The following LIN7A variants were observed in gnomAD, a reference collection of about 807,000 sequenced individuals.
LIN7A encodes lin-7 cell polarity scaffold A, also known as protein lin-7 homolog A.
A neutral mutation model predicts 29.8 loss-of-function variants in LIN7A; 25 were observed. The ratio of observed to expected loss-of-function variants is 0.84; its 90% confidence interval spans 0.61 to 1.17. LIN7A has a LOEUF of 1.17. LIN7A is among the 50% of genes most tolerant of loss of function. The pLI is 0.00. For missense variants in LIN7A, 239 were observed against 287.0 expected (o/e 0.83, Z 1.21); for synonymous variants, 118 against 107.5 (o/e 1.10, Z -0.60).
intron 1 of LIN7A, among the ~76,000 whole-genome samples, chr12:80,891,652 T>C (rs1875631709): frequency 6.6e-6 from 1 of 152,102 alleles, no homozygotes; most frequent in Non-Finnish European, 1.5e-5. Context: ...TGCAATAAAG[T>C]GGGTGTGTTC....
chr12:80,802,773 C>T (rs988817318), intron 5 of LIN7A, among the ~76,000 whole-genome samples: 1 of 151,688 alleles, frequency 6.6e-6, no homozygotes, highest in Non-Finnish European at 1.5e-5. Context: ...CCTGTGTAGC[C>T]GGGACTACAG....
At chr12:80,827,059 C>T (rs1456298103) in intron 4 of LIN7A, among the ~76,000 whole-genome samples, 4 of 152,096 alleles carry the variant, frequency 2.6e-5, no homozygotes, top group Admixed American at 2.6e-4. Context: ...TTCCCTGAGC[C>T]TCTCAGTTCC....
intron 4 of LIN7A, among the ~76,000 whole-genome samples, chr12:80,832,225 C>T (rs957991664): frequency 2.0e-5 from 3 of 152,096 alleles, no homozygotes; most frequent in Non-Finnish European, 4.4e-5. Flanking sequence ...CTTGGTGTTT[C>T]TAGGATAATT....
At chr12:80,799,151 CA>C (rs1870598869) in intron 5 of LIN7A, among the ~76,000 whole-genome samples, 1 of 152,214 alleles carries the variant, frequency 6.6e-6, no homozygotes, top group East Asian at 1.9e-4. Context: ...GGGCAGGAGT[CA>C]GCCTGAGAGA....
At chr12:80,806,706 A>G (rs1233400350) in intron 5 of LIN7A, among the ~76,000 whole-genome samples, 1 of 152,238 alleles carries the variant, frequency 6.6e-6, no homozygotes, top group African/African-American at 2.4e-5. Flanking sequence ...CTTTTCTCAG[A>G]AGCAACTGTA....
chr12:80,872,729 T>G (rs1342556853), intron 2 of LIN7A, among the ~76,000 whole-genome samples: 1 of 152,232 alleles, frequency 6.6e-6, no homozygotes, highest in East Asian at 1.9e-4. Context: ...ATGTCTAGCA[T>G]TCTCAATTCT....
chr12:80,876,101 AC>A (rs1295903598), intron 2 of LIN7A, among the ~76,000 whole-genome samples: 3 of 152,058 alleles, frequency 2.0e-5, no homozygotes, highest in Admixed American at 6.6e-5. Context: ...AAAGAGAGAG[AC>A]AGACAGAGAG....
chr12:80,934,236 T>C (rs1443594709), intron 1 of LIN7A, among the ~76,000 whole-genome samples: 1 of 152,216 alleles, frequency 6.6e-6, no homozygotes, highest in African/African-American at 2.4e-5. Context: ...ATTATGTCTC[T>C]TTATCACACC....
At chr12:80,906,676 A>T (rs1876491299) in intron 1 of LIN7A, among the ~76,000 whole-genome samples, 1 of 152,034 alleles carries the variant, frequency 6.6e-6, no homozygotes, top group Admixed American at 6.5e-5. Flanking sequence ...CTGAGGGTGC[A>T]GGGTGGGAGG....
chr12:80,876,688 A>C (rs1874719478), intron 2 of LIN7A, among the ~76,000 whole-genome samples: 1 of 152,228 alleles, frequency 6.6e-6, no homozygotes, highest in African/African-American at 2.4e-5. Context: ...ACCCCATTGC[A>C]TTGTACATTC....
chr12:80,927,992 ATGATGGTTTCCAG>A (rs1358197329), intron 1 of LIN7A, among the ~76,000 whole-genome samples: 1 of 152,146 alleles, frequency 6.6e-6, no homozygotes, highest in Non-Finnish European at 1.5e-5. Flanking sequence ...TTTGCTGAGA[ATGATGGTTTCCAG>A]CTTCATCCAT....
At chr12:80,860,314 AGTATT>A (rs1242303343) in intron 2 of LIN7A, among the ~76,000 whole-genome samples, 2 of 152,236 alleles carry the variant, frequency 1.3e-5, no homozygotes, top group Non-Finnish European at 2.9e-5. Context: ...AATAAAGCTT[AGTATT>A]TCAGAAAAAT....
In LIN7A at chr12:80,899,765, C is replaced by CTTTTTTTTTTTTTTTTTTTTTTTTTTTT. The variant is rs760389788; in HGVS notation, c.83-10397_83-10396insAAAAAAAAAAAAAAAAAAAAAAAAAAAA. Among the ~76,000 whole-genome samples the CTTTTTTTTTTTTTTTTTTTTTTTTTTTT allele has an allele frequency of 1.5e-4, 16 of 109,992 alleles. 8 individuals are homozygous for CTTTTTTTTTTTTTTTTTTTTTTTTTTTT. The highest frequency in any genetic ancestry group is 2.3e-4 in the Non-Finnish European group (12 of 51,268). 72.2% of individuals were successfully genotyped at this position (109,992 alleles called of 152,430 possible). A position where few individuals can be genotyped will look rare whatever the true frequency, so the allele number is the denominator to read the frequency against. ...CATTTCCTCTAGGTTTTCTTTTTTT[C>CTTTTTTTTTTTTTTTTTTTTTTTTTTTT]TTTTCTTTTTTTTTTTTTTTTGAGA... On this transcript the variant is annotated intron_variant, in intron 1 of 5. Transcript: ENST00000552864.
At chr12:80,924,603 G>T (rs1204942069) in intron 1 of LIN7A, among the ~76,000 whole-genome samples, 1 of 152,178 alleles carries the variant, frequency 6.6e-6, no homozygotes, top group Non-Finnish European at 1.5e-5. Context: ...ATGAAGCAGG[G>T]ATAGACAGGA....
chr12:80,830,744 C>T (rs544654383), intron 4 of LIN7A, among the ~76,000 whole-genome samples: 202 of 152,246 alleles, frequency 1.3e-3, no homozygotes, highest in African/African-American at 4.4e-3. Flanking sequence ...ACTGGTTTTT[C>T]GTTGCTTCTC....
At chr12:80,900,399 T>C (rs530336458) in intron 1 of LIN7A, among the ~76,000 whole-genome samples, 1 of 152,324 alleles carries the variant, frequency 6.6e-6, no homozygotes, top group African/African-American at 2.4e-5. Flanking sequence ...TGTGGGCATT[T>C]AGCCCTATAA....
At position 80,909,887 on chromosome 12, in the gene LIN7A, G is replaced by A. The variant is rs570850844; in HGVS notation, c.83-20518C>T. 2.7e-3 allele frequency among the ~76,000 whole-genome samples: 407 copies of A among 149,344 alleles called. 1 individual carries two copies. Among genetic ancestry groups the A allele is most frequent in the African/African-American group, 9.4e-3 (384 of 40,956 alleles). On this transcript the variant is annotated intron_variant, in intron 1 of 5. Transcript: ENST00000552864. ...AAAAAAAACCCTAAAAACACCTGTT[G>A]GCATTTTAATTGAGATTGTCTTACA...
chr12:80,813,838 G>A lies in LIN7A; in HGVS notation c.484-2155C>T, dbSNP rs1427502104. Among the ~76,000 whole-genome samples, 3 of 152,154 alleles carry A rather than the reference G, an allele frequency of 2.0e-5. No homozygotes were observed. The East Asian group carries it at 5.8e-4, about 29-fold the overall frequency. On this transcript the variant is annotated intron_variant, in intron 4 of 5. Coordinates refer to ENST00000552864, the MANE Select transcript of LIN7A (RefSeq NM_004664.4). ...TTAATTTACAGGATTGAACTGCCAAGGCCTTTTTGCCTTGCTTCTTGGGTA... is the reference window on the plus strand; with the variant it reads ...TTAATTTACAGGATTGAACTGCCAAAGCCTTTTTGCCTTGCTTCTTGGGTA...
intron 2 of LIN7A, among the ~76,000 whole-genome samples, chr12:80,882,355 G>T (rs1875099933): frequency 7.9e-6 from 1 of 126,542 alleles, no homozygotes; most frequent in Non-Finnish European, 1.7e-5. Flanking sequence ...CGGGATCTCG[G>T]CTCACTGCAA....
Sources: gnomAD v4.1 joint callset for allele counts (sites outside exome capture counted in the v4.1 genomes callset) on GRCh38, gnomAD v4.1.1 for gene constraint, MANE v1.5 for transcripts, NCBI Gene and HGNC (gene_info 2026-07-23, HGNC 2026-07-21) for gene names.